The following SEPTIN3 variants were observed in gnomAD, a reference collection of about 807,000 sequenced individuals.
SEPTIN3 encodes the protein neuronal-specific septin-3.
A neutral mutation model predicts 45.1 loss-of-function variants in SEPTIN3; 15 were observed. The ratio of observed to expected loss-of-function variants is 0.33; its 90% CI spans 0.22 to 0.51. The LOEUF is 0.51. SEPTIN3 is among the 20% of genes least tolerant of loss of function. The probability of loss-of-function intolerance (pLI) is 0.97; values close to 1 mark genes in which losing one functional copy is unlikely to be tolerated. For synonymous variants in SEPTIN3, 148 were observed against 164.8 expected, an observed-to-expected ratio of 0.90 and a Z score of 0.78; for missense variants, 289 against 457.2, an observed-to-expected ratio of 0.63 and a Z score of 3.35.
At chr22:41,983,905 A>G (rs868297216) in intron 3 of SEPTIN3, among the ~76,000 whole-genome samples, 1 of 152,296 alleles carries the variant, frequency 6.6e-6, no homozygotes, top group Middle Eastern at 3.4e-3. Context: ...TTTGTTCACG[A>G]TAGTACCTCC....
Position 41,992,749 on chromosome 22 carries a change from G to A in SEPTIN3, c.2345G>A (p.Trp782Ter), listed in dbSNP as rs2078339559. ...GKRVLGRKTP[W>*]GIIEVENLNH... ...AGGGTCCTCGGCCGAAAAACTCCATGGGGGATCATCGAAGGTAATTCACTG... is the reference window on the plus strand; with the variant it reads ...AGGGTCCTCGGCCGAAAAACTCCATAGGGGATCATCGAAGGTAATTCACTG... The change falls in exon 9 of 12, where the codon TGG becomes TAG. Residue 782 changes from tryptophan to a stop codon, truncating the protein, a stop_gained. Transcript: ENST00000644076. LOFTEE classifies it high-confidence loss of function. 1 of 1,608,694 alleles carries A rather than the reference G, an allele frequency of 6.2e-7. No individual in the cohort carries two copies.
At chr22:41,978,059 C>T (rs1027896102) in intron 2 of SEPTIN3, among the ~76,000 whole-genome samples, 6 of 152,142 alleles carry the variant, frequency 3.9e-5, no homozygotes, top group Non-Finnish European at 8.8e-5. Context: ...CCTGCTGTGA[C>T]CCGAGCTCTT....
At chr22:41,990,197 C>T (rs999141209) in intron 7 of SEPTIN3, among the ~76,000 whole-genome samples, 9 of 151,914 alleles carry the variant, frequency 5.9e-5, no homozygotes, top group African/African-American at 1.2e-4. Flanking sequence ...CCCACCACCA[C>T]GCCTGGCTAA....
chr22:41,993,601 TTG>T (rs1411431178), intron 9 of SEPTIN3, among the ~76,000 whole-genome samples: 6 of 152,108 alleles, frequency 3.9e-5, no homozygotes, highest in Admixed American at 1.3e-4. Flanking sequence ...GGTGATCCAT[TTG>T]CCTTGGCCTC....
Position 41,996,085 on chromosome 22 carries a change from C to A in SEPTIN3, c.2506-817C>A, listed in dbSNP as rs994896173. ...TTTTCTATTCCCCATCACTTTTGTG[C>A]TGAAGCTAATCATATTTATGTCTGT... On this transcript the variant is annotated intron_variant, in intron 11 of 11. Transcript: ENST00000644076. 6 of 985,144 alleles carry A rather than the reference C, an allele frequency of 6.1e-6. No individual in the cohort carries two copies. In the African/African-American group the frequency reaches 1.0e-4, roughly 17 times the overall value. 61.0% of individuals were successfully genotyped at this position (985,144 alleles called of 1,614,324 possible).
At chr22:41,996,733 C>G (rs1318564305) in intron 11 of SEPTIN3, 169 bp from the exon 12 acceptor site, 1 of 1,498,046 alleles carries the variant, frequency 6.7e-7, no homozygotes, top group East Asian at 2.3e-5. Flanking sequence ...AGACCTTGGA[C>G]CAGCAGGGGA....
At chr22:41,983,819 T>C (rs2078159146) in intron 3 of SEPTIN3, among the ~76,000 whole-genome samples, 1 of 152,252 alleles carries the variant, frequency 6.6e-6, no homozygotes, top group Admixed American at 6.5e-5. Flanking sequence ...CAGTGGTTAT[T>C]GCAACATACT....
At position 41,972,848 on chromosome 22, in the gene SEPTIN3, G is replaced by A. The variant is rs1253248498; in HGVS notation, c.1356G>A (p.Leu452=). ...ACCCAGCCACTGGGAAGACCACACT[G>A]GGCAGTGTTAATAACCTAACCATAT... ...TPDPATGKTT[L]GSVNNLTISD... is the part of the protein sequence containing the mutation. The change falls in exon 2 of 12, where the codon CTG becomes CTA. Residue 452 remains leucine, a synonymous_variant. Coordinates refer to ENST00000644076, the MANE Select transcript of SEPTIN3 (RefSeq NM_001363845.2). 2.0e-5 allele frequency: 8 copies of A among 399,086 alleles called. No homozygotes were observed. The Admixed American group carries it at 3.1e-4, about 15-fold the overall frequency. 24.7% of individuals were successfully genotyped at this position (399,086 alleles called of 1,614,324 possible). A position where few individuals can be genotyped will look rare whatever the true frequency, so the allele number is the denominator to read the frequency against.
rs771243229 is a variant in SEPTIN3, at chr22:41,989,697, CCT to C, written c.2163+14_2163+15del. The C allele has an allele frequency of 7.9e-6, 12 of 1,521,914 alleles. No homozygotes were observed. The highest frequency in any genetic ancestry group is 4.5e-5 in the East Asian group (2 of 44,414). 94.3% of individuals were successfully genotyped at this position (1,521,914 alleles called of 1,614,324 possible). A position where few individuals can be genotyped will look rare whatever the true frequency, so the allele number is the denominator to read the frequency against. On this transcript the variant is annotated intron_variant, in intron 7 of 11. Transcript: ENST00000644076. ...ATTCAAGCAAAGGGTGAGAAGGCCC[CCT>C]GTCTTCTTTTCCTGTTCCCATCCCC...
chr22:41,978,177 G>A (rs1238065731), intron 2 of SEPTIN3, among the ~76,000 whole-genome samples: 2 of 152,194 alleles, frequency 1.3e-5, no homozygotes, highest in Non-Finnish European at 2.9e-5. Flanking sequence ...TGCTCACTGG[G>A]GGGTCAGCTG....
Position 41,992,732 on chromosome 22 carries a change from C to G in SEPTIN3, c.2328C>G (p.Leu776=). Residue 776 remains leucine, a synonymous_variant, in exon 9 of 12, where the codon CTC becomes CTG. Transcript: ENST00000644076. ...KEYQVNGKRV[L]GRKTPWGIIE... Reference sequence around the variant, plus strand: ...ACCAAGTGAATGGCAAGAGGGTCCTCGGCCGAAAAACTCCATGGGGGATCA... The same window carrying G: ...ACCAAGTGAATGGCAAGAGGGTCCTGGGCCGAAAAACTCCATGGGGGATCA... 1 of 1,611,894 alleles carries G rather than the reference C, an allele frequency of 6.2e-7. No individual in the cohort carries two copies. Among genetic ancestry groups the G allele is most frequent in the Non-Finnish European group, 8.5e-7 (1 of 1,179,100 alleles).
At chr22:41,996,322 C>T (rs535083626) in intron 11 of SEPTIN3, 5 of 985,376 alleles carry the variant, frequency 5.1e-6, no homozygotes, top group Admixed American at 6.1e-5. Flanking sequence ...ACAGTTTAGC[C>T]TTAGGGAAGG....
At chr22:41,977,634 T>G (rs1459469546) in intron 2 of SEPTIN3, among the ~76,000 whole-genome samples, 1 of 148,842 alleles carries the variant, frequency 6.7e-6, no homozygotes. Context: ...GGAATTGCCT[T>G]TGTGGGGGGC....
chr22:41,981,319 T>A (rs957250615), intron 2 of SEPTIN3: 1 of 275,734 alleles, frequency 3.6e-6, no homozygotes, highest in Non-Finnish European at 6.8e-6. Context: ...ATGTCATTAG[T>A]GCCAAGATGG....
At chr22:41,984,965 G>A (rs1194899141) in intron 3 of SEPTIN3, among the ~76,000 whole-genome samples, 1 of 144,746 alleles carries the variant, frequency 6.9e-6, no homozygotes, top group Non-Finnish European at 1.5e-5. Flanking sequence ...CCATTCTCCT[G>A]CCTCAGCCTC....
intron 2 of SEPTIN3, among the ~76,000 whole-genome samples, chr22:41,975,406 TC>T (rs2078008298): frequency 6.6e-6 from 1 of 152,066 alleles, no homozygotes. Flanking sequence ...CCCCTTTCCC[TC>T]CACCCCACAC....
rs143608327 is a variant in SEPTIN3, at chr22:41,982,184, T to A, written c.1696+348T>A. On this transcript the variant is annotated intron_variant, in intron 3 of 11. Transcript: ENST00000644076. ...GGTGGAAGGATTGGATGAAGGGTGG[T>A]CTTATTTCTACTCTTTTGTAGTGCT... The A allele has an allele frequency of 2.6e-3, 683 of 265,678 alleles. 5 individuals are homozygous for A. The highest frequency in any genetic ancestry group is 0.013 in the African/African-American group (610 of 45,632). 16.5% of individuals were successfully genotyped at this position (265,678 alleles called of 1,614,324 possible).
intron 7 of SEPTIN3, among the ~76,000 whole-genome samples, chr22:41,990,488 G>A (rs933986835): frequency 4.7e-5 from 7 of 150,434 alleles, no homozygotes; most frequent in Non-Finnish European, 8.9e-5. Context: ...GCTCATGCCT[G>A]TAATCCCAGC....
At chr22:41,981,897 C>A in intron 3 of SEPTIN3, 61 bp downstream of exon 3, 4 of 1,466,608 alleles carry the variant, frequency 2.7e-6, no homozygotes, top group Non-Finnish European at 3.8e-6. Context: ...GATCCCATTT[C>A]TTTCCCCCAA....
Sources: gnomAD v4.1 joint callset for allele counts (sites outside exome capture counted in the v4.1 genomes callset) on GRCh38, gnomAD v4.1.1 for gene constraint, MANE v1.5 for transcripts, NCBI Gene and HGNC (gene_info 2026-07-23, HGNC 2026-07-21) for gene names.